The following NPAS3 variants were observed in gnomAD, a reference collection of about 807,000 sequenced individuals.
NPAS3 encodes neuronal PAS domain protein 3, also known as neuronal PAS domain-containing protein 3.
Under a neutral mutation model 73.1 loss-of-function variants are expected in NPAS3, and 14 were observed. That is an observed-to-expected ratio of 0.19 (90% CI 0.13 to 0.30). The LOEUF is 0.30. Ranked by LOEUF, NPAS3 falls within the 10% of genes least tolerant of loss-of-function variation. NPAS3 has a pLI of 1.00. For synonymous variants in NPAS3, 620 were observed against 541.5 expected (o/e 1.14, Z -2.01); for missense variants, 1,096 against 1,250.0 (o/e 0.88, Z 1.86).
intron 1 of NPAS3, among the ~76,000 whole-genome samples, chr14:33,039,439 T>C (rs2040277595): frequency 6.6e-6 from 1 of 152,170 alleles, no homozygotes; most frequent in African/African-American, 2.4e-5. Context: ...CACTGCCCTT[T>C]GCTCCCCACC....
chr14:33,445,139 T>C (rs1241144479), intron 4 of NPAS3, among the ~76,000 whole-genome samples: 1 of 152,240 alleles, frequency 6.6e-6, no homozygotes, highest in Non-Finnish European at 1.5e-5. Context: ...TTTATTTTGA[T>C]CAATACACAC....
chr14:33,305,123 A>G (rs918119694), intron 3 of NPAS3, among the ~76,000 whole-genome samples: 1 of 152,106 alleles, frequency 6.6e-6, no homozygotes, highest in African/African-American at 2.4e-5. Context: ...ATGTTTTTTA[A>G]AAGTATGGGA....
chr14:33,637,012 G>T (rs895441483), intron 5 of NPAS3, among the ~76,000 whole-genome samples: 7 of 151,964 alleles, frequency 4.6e-5, no homozygotes, highest in African/African-American at 1.7e-4. Context: ...TTTTCTTCCG[G>T]CATCAGGGTA....
At position 33,800,462 on chromosome 14, in the gene NPAS3, C is replaced by T; in HGVS notation, c.2155C>T (p.Pro719Ser). ...CATTCCCGACTCGGTCCTCACCCCG[C>T]CCGGCGCCGACGGCGCGGCCGCCCG... The change falls in exon 12 of 12, where the codon CCC becomes TCC. Residue 719 changes from proline (P) to serine (S), a missense_variant. Physicochemically the swap from Pro to Ser is moderately conservative, Grantham distance 74 (BLOSUM62 -1). Around this residue, in one of 5 missense-constraint regions of NPAS3, gnomAD observed 698 missense variants for 676.7 expected, o/e 1.03. Coordinates refer to ENST00000356141, the Ensembl canonical transcript of NPAS3. This position sits in a 1 kb window ranked among gnomAD's most constrained non-coding sequence, Gnocchi z 6.5. The T allele has an allele frequency of 6.6e-7, 1 of 1,510,504 alleles. No individual in the cohort carries two copies. Among genetic ancestry groups the T allele is most frequent in the East Asian group, 2.7e-5 (1 of 37,170 alleles). The allele number at this position is 1,510,504 out of a possible 1,614,324, so 93.6% of individuals were successfully genotyped here. A position where few individuals can be genotyped will look rare whatever the true frequency, so the allele number is the denominator to read the frequency against.
chr14:32,968,764 C>T (rs1342158308), intron 1 of NPAS3, among the ~76,000 whole-genome samples: 2 of 56,774 alleles, frequency 3.5e-5, no homozygotes, highest in African/African-American at 5.2e-5. Context: ...GAAGCCACTA[C>T]TTTCTTTCTT....
chr14:33,776,691 G>T (rs1421227201), intron 8 of NPAS3, among the ~76,000 whole-genome samples: 1 of 152,102 alleles, frequency 6.6e-6, no homozygotes, highest in Non-Finnish European at 1.5e-5. Context: ...CATATTGTGT[G>T]CCAGGCACTA....
At chr14:33,265,501 AT>A (rs34895773) in intron 3 of NPAS3, among the ~76,000 whole-genome samples, 133,687 of 151,910 alleles carry the variant, frequency 0.88, 59,737 homozygotes, top group Non-Finnish European at 0.96. Context: ...AATGCATTAC[AT>A]TTTTTTTTCA....
chr14:33,512,131 A>C (rs1209183967), intron 4 of NPAS3, among the ~76,000 whole-genome samples: 1 of 152,122 alleles, frequency 6.6e-6, no homozygotes, highest in African/African-American at 2.4e-5. Flanking sequence ...GCTTAAAGAA[A>C]AACTAGACTG....
intron 2 of NPAS3, among the ~76,000 whole-genome samples, chr14:33,068,828 G>A (rs909252719): frequency 3.9e-5 from 6 of 152,134 alleles, no homozygotes; most frequent in Non-Finnish European, 5.9e-5. Context: ...CTACAAAGGC[G>A]CTGAAGGGTT....
chr14:33,622,845 T>TGA (rs2058114844), intron 5 of NPAS3, among the ~76,000 whole-genome samples: 1 of 152,118 alleles, frequency 6.6e-6, no homozygotes, highest in Non-Finnish European at 1.5e-5. Context: ...TTTTTCCCAA[T>TGA]CAGTCAAGAA....
At chr14:33,261,045 A>G (rs963140980) in intron 3 of NPAS3, among the ~76,000 whole-genome samples, 4 of 152,132 alleles carry the variant, frequency 2.6e-5, no homozygotes, top group Admixed American at 1.3e-4. Context: ...CCTGCTTCAT[A>G]CCTTTGCATG....
At chr14:33,117,733 G>A (rs2043113799) in intron 2 of NPAS3, among the ~76,000 whole-genome samples, 1 of 152,038 alleles carries the variant, frequency 6.6e-6, no homozygotes, top group African/African-American at 2.4e-5. Flanking sequence ...ACTTAGTAAA[G>A]TCATAATTAA....
At chr14:33,188,906 A>C (rs945974292) in intron 2 of NPAS3, among the ~76,000 whole-genome samples, 1 of 152,178 alleles carries the variant, frequency 6.6e-6, no homozygotes, top group African/African-American at 2.4e-5. Context: ...AATTTGTGTT[A>C]AGATAAAATT....
At chr14:33,099,322 CT>C (rs1243276915) in intron 2 of NPAS3, among the ~76,000 whole-genome samples, 2 of 152,186 alleles carry the variant, frequency 1.3e-5, no homozygotes, top group African/African-American at 4.8e-5. Context: ...CCATGGACAT[CT>C]TAATACTATG....
intron 4 of NPAS3, among the ~76,000 whole-genome samples, chr14:33,490,042 C>T (rs1056058543): frequency 2.0e-5 from 3 of 152,056 alleles, no homozygotes; most frequent in Non-Finnish European, 4.4e-5. Context: ...TTTGGCTTTG[C>T]TCTATCATAT....
chr14:33,219,483 AATTCTT>A (rs2047343811), intron 3 of NPAS3, among the ~76,000 whole-genome samples: 1 of 152,218 alleles, frequency 6.6e-6, no homozygotes, highest in African/African-American at 2.4e-5. Flanking sequence ...AAGTATAAGA[AATTCTT>A]AGTCTTTGGA....
intron 1 of NPAS3, among the ~76,000 whole-genome samples, chr14:33,030,984 A>G (rs1223984162): frequency 6.6e-6 from 1 of 152,168 alleles, no homozygotes; most frequent in Non-Finnish European, 1.5e-5. Context: ...TAATGAAGTC[A>G]AGGTTCTTTA....
intron 5 of NPAS3, among the ~76,000 whole-genome samples, chr14:33,612,794 T>C (rs950422311): frequency 2.6e-5 from 4 of 152,192 alleles, no homozygotes; most frequent in South Asian, 2.1e-4. Flanking sequence ...GTTTATCCCA[T>C]AGAAACATGT....
At chr14:33,522,530 A>G (rs73267052) in intron 4 of NPAS3, among the ~76,000 whole-genome samples, 5,571 of 152,144 alleles carry the variant, frequency 0.037, 312 homozygotes, top group African/African-American at 0.13. Context: ...CTTAACCATC[A>G]CCATGTACTG....
Sources: gnomAD v4.1 joint callset for allele counts (sites outside exome capture counted in the v4.1 genomes callset) on GRCh38, gnomAD v4.1.1 for gene constraint, gnomAD v4.1.1 regional missense constraint, Gnocchi (gnomAD v3.1) non-coding constraint, MANE v1.5 for transcripts, NCBI Gene and HGNC (gene_info 2026-07-23, HGNC 2026-07-21) for gene names.